Variants in NPAS3 observed in about 807,000 individuals in gnomAD.
NPAS3 encodes the protein neuronal PAS domain-containing protein 3.
Under a neutral mutation model 73.1 loss-of-function variants are expected in NPAS3, and 14 were observed. The observed-to-expected ratio is 0.19, with a 90% CI of 0.13 to 0.30. The LOEUF (loss-of-function observed/expected upper bound fraction) is 0.30. NPAS3 is among the 10% of genes least tolerant of loss of function. The pLI is 1.00. For missense variants in NPAS3, 1,096 were observed against 1,250.0 expected (o/e 0.88, Z 1.86); for synonymous variants, 620 against 541.5 (o/e 1.14, Z -2.01).
chr14:33,507,979 C>T (rs989991193), intron 4 of NPAS3, among the ~76,000 whole-genome samples: 1 of 151,952 alleles, frequency 6.6e-6, no homozygotes, highest in African/African-American at 2.4e-5. Flanking sequence ...CTACCCTCAT[C>T]AAGACGCTGA....
chr14:32,990,555 G>A (rs948148722), intron 1 of NPAS3, among the ~76,000 whole-genome samples: 1 of 152,098 alleles, frequency 6.6e-6, no homozygotes, highest in Non-Finnish European at 1.5e-5. Flanking sequence ...CTACCAGTGG[G>A]CAAATCCAGT....
At chr14:33,142,207 T>TTTTC (rs2044077448) in intron 2 of NPAS3, among the ~76,000 whole-genome samples, 1 of 145,466 alleles carries the variant, frequency 6.9e-6, no homozygotes, top group Non-Finnish European at 1.5e-5. Flanking sequence ...TTTTTTTTTT[T>TTTTC]TTTTTTTACT....
rs374123233 is a variant in NPAS3 at position 33,779,808 on chromosome 14, T to C, written c.1153+1236T>C. ...CCCTAGTGATGCATTTCTTAGAATG[T>C]ATCCCCATCATTAAACAACACACGG... is the stretch of plus-strand genomic sequence containing the variant. On this transcript the variant is annotated intron_variant, in intron 9 of 11. Transcript: ENST00000356141. 2.4e-3 allele frequency among the ~76,000 whole-genome samples: 358 copies of C among 152,298 alleles called. 1 individual carries two copies. Among genetic ancestry groups the C allele is most frequent in the African/African-American group, 8.0e-3 (334 of 41,570 alleles).
chr14:33,404,042 C>T (rs940626587), intron 4 of NPAS3, among the ~76,000 whole-genome samples: 1 of 152,148 alleles, frequency 6.6e-6, no homozygotes, highest in Non-Finnish European at 1.5e-5. Context: ...TGCACAGCGT[C>T]CTTTCAGGTA....
At chr14:33,656,120 A>G (rs1204633224) in intron 5 of NPAS3, among the ~76,000 whole-genome samples, 1 of 152,150 alleles carries the variant, frequency 6.6e-6, no homozygotes, top group Non-Finnish European at 1.5e-5. Flanking sequence ...CAGACTTTCC[A>G]CAACTAGACC....
rs575745056 is a variant in NPAS3 at position 33,306,839 on chromosome 14, A to G, written c.386-60347A>G. Among the ~76,000 whole-genome samples, 10 of 152,260 alleles carry G rather than the reference A, an allele frequency of 6.6e-5. No individual in the cohort carries two copies. In the East Asian group the frequency reaches 1.9e-3, roughly 29 times the overall value. On this transcript the variant is annotated intron_variant, in intron 3 of 11. Transcript: ENST00000356141. ...CTCATTCTGATTTGGCAAAACTGACACCGTAAAAATGCATTTGAGAGGGAA... is the reference window on the plus strand; with the variant it reads ...CTCATTCTGATTTGGCAAAACTGACGCCGTAAAAATGCATTTGAGAGGGAA...
intron 2 of NPAS3, among the ~76,000 whole-genome samples, chr14:33,155,861 G>A (rs1449364267): frequency 6.6e-6 from 1 of 152,120 alleles, no homozygotes; most frequent in Non-Finnish European, 1.5e-5. Flanking sequence ...GCTATGCTCT[G>A]CATTTTTAAA....
chr14:33,532,728 G>T (rs1273291162), intron 4 of NPAS3, among the ~76,000 whole-genome samples: 2 of 152,064 alleles, frequency 1.3e-5, no homozygotes, highest in African/African-American at 2.4e-5. Flanking sequence ...AGTAGGCGTT[G>T]TTCTCTCCCT....
At chr14:33,278,383 T>C (rs531101466) in intron 3 of NPAS3, among the ~76,000 whole-genome samples, 1 of 152,074 alleles carries the variant, frequency 6.6e-6, no homozygotes, top group Non-Finnish European at 1.5e-5. Context: ...AAGGATGAGT[T>C]CTGGGAAAGG....
intron 1 of NPAS3, among the ~76,000 whole-genome samples, chr14:32,965,645 G>A (rs890789722): frequency 2.0e-5 from 3 of 152,122 alleles, no homozygotes; most frequent in Admixed American, 1.3e-4. Flanking sequence ...CTAAAAATCT[G>A]GAACAAGGCA....
intron 1 of NPAS3, among the ~76,000 whole-genome samples, chr14:33,054,448 AAC>A (rs943475761): frequency 1.3e-5 from 2 of 152,336 alleles, no homozygotes; most frequent in Admixed American, 6.5e-5. Flanking sequence ...GTTTGAATAT[AAC>A]ACAGAGAATG....
At chr14:33,754,181 C>T (rs994024439) in intron 7 of NPAS3, among the ~76,000 whole-genome samples, 7 of 152,218 alleles carry the variant, frequency 4.6e-5, no homozygotes, top group African/African-American at 1.7e-4. Context: ...ATCTGTACTT[C>T]AGTAAAGCAT....
chr14:33,522,318 T>A (rs2053592036), intron 4 of NPAS3, among the ~76,000 whole-genome samples: 1 of 152,162 alleles, frequency 6.6e-6, no homozygotes. Flanking sequence ...TTGTGTTTTT[T>A]TAAAAACTTC....
chr14:32,945,412 A>C (rs540282866), intron 1 of NPAS3, among the ~76,000 whole-genome samples: 2 of 152,216 alleles, frequency 1.3e-5, no homozygotes, highest in Non-Finnish European at 1.5e-5. Flanking sequence ...TTCAGACACT[A>C]TATTACATGC....
At chr14:33,793,692 A>G (rs2063429983) in intron 9 of NPAS3, among the ~76,000 whole-genome samples, 1 of 152,238 alleles carries the variant, frequency 6.6e-6, no homozygotes, top group Non-Finnish European at 1.5e-5. Flanking sequence ...AAATGCCAGT[A>G]ACCCTGGCTC....
intron 5 of NPAS3, among the ~76,000 whole-genome samples, chr14:33,591,114 G>A (rs1454493399): frequency 6.6e-6 from 1 of 152,146 alleles, no homozygotes; most frequent in Non-Finnish European, 1.5e-5. Flanking sequence ...TGTTTCTTAA[G>A]TGCAGCCACA....
intron 2 of NPAS3, among the ~76,000 whole-genome samples, chr14:33,172,173 T>C (rs1015830421): frequency 1.3e-5 from 2 of 152,260 alleles, no homozygotes; most frequent in Admixed American, 6.5e-5. Context: ...ATTACCAAAA[T>C]GTGACACAAA....
intron 6 of NPAS3, among the ~76,000 whole-genome samples, chr14:33,681,261 G>A (rs2059930026): frequency 6.6e-6 from 1 of 152,096 alleles, no homozygotes; most frequent in Non-Finnish European, 1.5e-5. Flanking sequence ...TACTTCTATG[G>A]GTGAATTATT....
intron 6 of NPAS3, among the ~76,000 whole-genome samples, chr14:33,710,588 C>T (rs7151677): frequency 0.087 from 13,234 of 152,202 alleles, 692 homozygotes; most frequent in South Asian, 0.19. Flanking sequence ...AGGCGTGCCC[C>T]GCTCCTGACT....
Sources: gnomAD v4.1 joint callset for allele counts (sites outside exome capture counted in the v4.1 genomes callset) on GRCh38, gnomAD v4.1.1 for gene constraint, MANE v1.5 for transcripts, NCBI Gene and HGNC (gene_info 2026-07-23, HGNC 2026-07-21) for gene names.